LRFN5: variants seen among roughly 807,000 people sequenced by gnomAD.
LRFN5 encodes the protein leucine-rich repeat and fibronectin type-III domain-containing protein 5.
LRFN5 carries 24 observed loss-of-function variants against 45.6 expected under a neutral mutation model. The ratio of observed to expected loss-of-function variants is 0.53; its 90% CI spans 0.38 to 0.74. The LOEUF (loss-of-function observed/expected upper bound fraction) is 0.74. LRFN5 is among the 30% of genes least tolerant of loss of function. The pLI, the probability that LRFN5 is intolerant of heterozygous loss-of-function variation, is 0.00. For missense variants in LRFN5, 776 were observed against 861.5 expected (o/e 0.90, Z 1.24); for synonymous variants, 340 against 313.8 (o/e 1.08, Z -0.88).
chr14:41,797,276 G>T (rs1887166153), intron 2 of LRFN5, among the ~76,000 whole-genome samples: 1 of 151,560 alleles, frequency 6.6e-6, no homozygotes, highest in African/African-American at 2.4e-5. Flanking sequence ...TAATTTTTCT[G>T]AATACTATTA....
intron 2 of LRFN5, among the ~76,000 whole-genome samples, chr14:41,880,051 C>T (rs1408082068): frequency 1.3e-5 from 2 of 151,094 alleles, no homozygotes. Context: ...CCTCAGCATC[C>T]CCAGTAGCTG....
Position 41,747,280 on chromosome 14 carries a change from A to G in LRFN5, c.-196-19574A>G, listed in dbSNP as rs544909323. On this transcript the variant is annotated intron_variant, in intron 1 of 5. Coordinates refer to ENST00000298119, the MANE Select transcript of LRFN5 (RefSeq NM_152447.5). ...ATGGGGCTTATACTTCCTGATTGCA[A>G]AACTTACTACAAAGTTACAGTAATC... Among the ~76,000 whole-genome samples, 79 of 152,114 alleles carry G rather than the reference A, an allele frequency of 5.2e-4. 1 individual carries two copies. The highest frequency in any genetic ancestry group is 9.6e-4 in the Non-Finnish European group (65 of 67,874).
At chr14:41,656,021 A>C in intron 1 of LRFN5, among the ~76,000 whole-genome samples, 1 of 151,976 alleles carries the variant, frequency 6.6e-6, no homozygotes, top group East Asian at 1.9e-4. Context: ...TCTAGATTTC[A>C]AGTTGAGTGT....
intron 1 of LRFN5, among the ~76,000 whole-genome samples, chr14:41,697,767 A>C (rs1367190372): frequency 1.3e-5 from 2 of 151,794 alleles, no homozygotes; most frequent in Non-Finnish European, 2.9e-5. Flanking sequence ...CTAGTTTTTA[A>C]AAGAATGTCT....
rs551425724 is a variant in LRFN5 at position 41,788,987 on chromosome 14, C to T, written c.-21+21958C>T. On this transcript the variant is annotated intron_variant, in intron 2 of 5. Coordinates refer to ENST00000298119, the MANE Select transcript of LRFN5 (RefSeq NM_152447.5). ...ATTTTTCTTCTATACTGTTTTCCAA[C>T]TTTCTAATTTTTCTTTAAAAATACC... Among the ~76,000 whole-genome samples the T allele has an allele frequency of 1.0e-3, 154 of 152,080 alleles. 1 individual carries two copies. The highest frequency in any genetic ancestry group is 3.4e-3 in the Middle Eastern group (1 of 294).
At chr14:41,750,609 A>C (rs1885090719) in intron 1 of LRFN5, among the ~76,000 whole-genome samples, 1 of 152,154 alleles carries the variant, frequency 6.6e-6, no homozygotes, top group Admixed American at 6.5e-5. Context: ...ACGCAAAATT[A>C]TTTGGCTAAT....
chr14:41,661,726 T>C (rs950630927), intron 1 of LRFN5, among the ~76,000 whole-genome samples: 6 of 151,846 alleles, frequency 4.0e-5, no homozygotes, highest in African/African-American at 9.7e-5. Flanking sequence ...ATAAGGCCTT[T>C]AGGAAAAACA....
intron 1 of LRFN5, among the ~76,000 whole-genome samples, chr14:41,699,067 G>A (rs1220118566): frequency 6.6e-6 from 1 of 152,028 alleles, no homozygotes; most frequent in East Asian, 1.9e-4. Flanking sequence ...AACAGGCAAA[G>A]TACATGACAG....
At chr14:41,881,583 TA>T in intron 2 of LRFN5, among the ~76,000 whole-genome samples, 1 of 152,098 alleles carries the variant, frequency 6.6e-6, no homozygotes, top group African/African-American at 2.4e-5. Flanking sequence ...TTTTTACTTC[TA>T]CTATTTATTC....
intron 1 of LRFN5, among the ~76,000 whole-genome samples, chr14:41,620,472 C>G (rs1308333099): frequency 6.6e-6 from 1 of 152,018 alleles, no homozygotes; most frequent in Non-Finnish European, 1.5e-5. Context: ...ATGTGTCACT[C>G]TTATTAAGGA....
At chr14:41,768,814 C>G (rs1007511221) in intron 2 of LRFN5, among the ~76,000 whole-genome samples, 4 of 152,102 alleles carry the variant, frequency 2.6e-5, no homozygotes, top group African/African-American at 9.7e-5. Flanking sequence ...GATAGATTCT[C>G]TAGTGTAAAT....
At chr14:41,773,246 C>T (rs952028925) in intron 2 of LRFN5, among the ~76,000 whole-genome samples, 1 of 152,156 alleles carries the variant, frequency 6.6e-6, no homozygotes, top group Non-Finnish European at 1.5e-5. Flanking sequence ...GGTCTTTGCA[C>T]CTGACTGTTT....
intron 2 of LRFN5, among the ~76,000 whole-genome samples, chr14:41,776,564 C>G (rs1357573418): frequency 6.6e-6 from 1 of 152,052 alleles, no homozygotes; most frequent in African/African-American, 2.4e-5. Flanking sequence ...CATTTTTATA[C>G]TTAATAACTT....
chr14:41,837,411 T>C (rs192995877), intron 2 of LRFN5, among the ~76,000 whole-genome samples: 101 of 152,224 alleles, frequency 6.6e-4, no homozygotes, highest in Middle Eastern at 3.4e-3. Context: ...TCTACTTCCA[T>C]TGGCTTCTTA....
At chr14:41,892,540 T>A in intron 4 of LRFN5, 2 of 975,338 alleles carry the variant, frequency 2.1e-6, no homozygotes, top group Non-Finnish European at 2.4e-6. Flanking sequence ...TTGATATTTT[T>A]AATAAGTAGA....
intron 1 of LRFN5, among the ~76,000 whole-genome samples, chr14:41,695,674 C>T (rs1882579829): frequency 6.6e-6 from 1 of 151,934 alleles, no homozygotes; most frequent in Non-Finnish European, 1.5e-5. Flanking sequence ...TTTGTTTAAG[C>T]ATGGTTTACT....
At chr14:41,741,193 T>C (rs1884675604) in intron 1 of LRFN5, among the ~76,000 whole-genome samples, 1 of 151,134 alleles carries the variant, frequency 6.6e-6, no homozygotes. Context: ...TTCCAATTTG[T>C]TTTTCACAGA....
intron 2 of LRFN5, among the ~76,000 whole-genome samples, chr14:41,838,834 A>G (rs1288546008): frequency 6.6e-6 from 1 of 152,180 alleles, no homozygotes; most frequent in Non-Finnish European, 1.5e-5. Flanking sequence ...ATTGGTGGCC[A>G]TGAATGTGTG....
intron 1 of LRFN5, among the ~76,000 whole-genome samples, chr14:41,626,999 A>C (rs1888357813): frequency 6.6e-6 from 1 of 152,130 alleles, no homozygotes; most frequent in African/African-American, 2.4e-5. Flanking sequence ...TTCCTAGAAC[A>C]GAAGAAATAC....
Sources: allele counts gnomAD v4.1 joint callset (sites outside exome capture counted in the v4.1 genomes callset), GRCh38; gene constraint gnomAD v4.1.1; transcripts MANE v1.5; gene names NCBI Gene and HGNC (gene_info 2026-07-23, HGNC 2026-07-21).